Variants in ADCK5 observed in about 807,000 individuals in gnomAD.
The protein encoded by ADCK5 is aarF domain containing kinase 5.
A neutral mutation model predicts 64.9 loss-of-function variants in ADCK5; 43 were observed. The ratio of observed to expected loss-of-function variants is 0.66; its 90% CI spans 0.52 to 0.85. The LOEUF (loss-of-function observed/expected upper bound fraction) is 0.85. ADCK5 is among the 40% of genes least tolerant of loss of function. The probability of loss-of-function intolerance (pLI) is 0.00; values close to 1 mark genes in which losing one functional copy is unlikely to be tolerated. For missense variants in ADCK5, 760 were observed against 810.5 expected, an observed-to-expected ratio of 0.94 and a Z score of 0.76; for synonymous variants, 434 against 342.8, an observed-to-expected ratio of 1.27 and a Z score of -2.94.
chr8:144,375,046 G>A (rs1007802048), intron 1 of ADCK5, among the ~76,000 whole-genome samples: 2 of 152,246 alleles, frequency 1.3e-5, no homozygotes. Flanking sequence ...AAATAGCACA[G>A]ATGGACGGCC....
intron 1 of ADCK5, among the ~76,000 whole-genome samples, 176 bp from the exon 2 acceptor site, chr8:144,379,211 G>A (rs1295015859): frequency 1.3e-5 from 2 of 152,164 alleles, no homozygotes; most frequent in Non-Finnish European, 2.9e-5. Flanking sequence ...GGGATTAAAG[G>A]TGTGAGCCCC....
intron 3 of ADCK5, chr8:144,389,453 T>G (rs1398254594): frequency 1.2e-5 from 5 of 429,274 alleles, no homozygotes; most frequent in Non-Finnish European, 2.4e-5. Context: ...CCGTCCATAC[T>G]GTCCCCTACC....
At chr8:144,391,094 A>T in intron 5 of ADCK5, 38 bp downstream of exon 5, 1 of 1,610,680 alleles carries the variant, frequency 6.2e-7, no homozygotes, top group East Asian at 2.2e-5. Flanking sequence ...TGGGGCCTCC[A>T]GCAGTGGCCC....
chr8:144,384,314 C>T lies in ADCK5; in HGVS notation c.266+1084C>T, dbSNP rs1157997447. Among the ~76,000 whole-genome samples, 17 of 152,112 alleles carry T rather than the reference C, an allele frequency of 1.1e-4. No homozygotes were observed. The highest frequency in any genetic ancestry group is 2.1e-4 in the Non-Finnish European group (14 of 68,018). On this transcript the variant is annotated intron_variant, in intron 3 of 14. Transcript: ENST00000308860. The surrounding 1 kb of genome is among the most constrained non-coding windows in gnomAD (Gnocchi z 5.7). The stretch of plus-strand genomic sequence containing the variant: ...GCATCTGCCAGGCCTAGGTCAGTTT[C>T]TCAGCAAGTGCCTCGGCTTCTGGTG...
intron 3 of ADCK5, among the ~76,000 whole-genome samples, chr8:144,385,699 C>T (rs1819886321): frequency 6.6e-6 from 1 of 151,554 alleles, no homozygotes; most frequent in Non-Finnish European, 1.5e-5. Context: ...CATGGTGGCT[C>T]ACGCCTGTAA....
chr8:144,381,302 C>G (rs1299673876), intron 2 of ADCK5, among the ~76,000 whole-genome samples: 1 of 141,486 alleles, frequency 7.1e-6, no homozygotes, highest in Non-Finnish European at 1.5e-5. Context: ...CTGCTGCACT[C>G]AGGATTATGG....
At chr8:144,381,639 C>T (rs375188385) in intron 2 of ADCK5, among the ~76,000 whole-genome samples, 6 of 143,984 alleles carry the variant, frequency 4.2e-5, no homozygotes, top group Middle Eastern at 0.013. Flanking sequence ...GATTATGGGC[C>T]GGGTGTAGAA....
intron 1 of ADCK5, among the ~76,000 whole-genome samples, chr8:144,374,676 C>A (rs1457476508): frequency 1.3e-5 from 2 of 152,186 alleles, no homozygotes; most frequent in African/African-American, 4.8e-5. Flanking sequence ...GCCTGCTGCC[C>A]CGGACCTCCT....
upstream of ADCK5, chr8:144,373,991 G>A: frequency 8.4e-7 from 1 of 1,195,824 alleles, no homozygotes; most frequent in East Asian, 3.2e-5. Flanking sequence ...ACGGGGCGGG[G>A]CTCTGGCTCC....
In ADCK5 at chr8:144,374,062, G is replaced by C. The variant is rs1246855391; in HGVS notation, c.-34G>C. ...GCTGGGCTGCGAGACGCTAAGCGGCGCCGGGCGGGAGAAGAGCGGAGCAGT... is the reference window on the plus strand; with the variant it reads ...GCTGGGCTGCGAGACGCTAAGCGGCCCCGGGCGGGAGAAGAGCGGAGCAGT... On this transcript the variant is annotated 5_prime_UTR_variant, in exon 1 of 15. Transcript: ENST00000308860. The C allele has an allele frequency of 8.0e-7, 1 of 1,245,888 alleles. No homozygotes were observed. The highest frequency in any genetic ancestry group is 1.5e-5 in the African/African-American group (1 of 64,616). The allele number at this position is 1,245,888 out of a possible 1,614,324, so 77.2% of individuals were successfully genotyped here.
intron 3 of ADCK5, among the ~76,000 whole-genome samples, chr8:144,386,202 G>A (rs1281420573): frequency 6.6e-6 from 1 of 151,580 alleles, no homozygotes; most frequent in African/African-American, 2.4e-5. Flanking sequence ...AGTAGAGATG[G>A]GGTTTTGCCA....
chr8:144,391,147 TC>T lies in ADCK5; in HGVS notation c.559del (p.Glu188ArgfsTer40), dbSNP rs782440474. Reference sequence around the variant, plus strand: ...CTGTCCTTCCAGGTGGATGAGTTGTTCCTTGAGGACTTCCAGGCCCTCCCCC... The same window carrying T: ...CTGTCCTTCCAGGTGGATGAGTTGTTCTTGAGGACTTCCAGGCCCTCCCCC... ...KRGFQEVDEL[F>X]LEDFQALPHE... On this transcript the variant is annotated frameshift_variant, in exon 6 of 15. Coordinates refer to ENST00000308860, the MANE Select transcript of ADCK5 (RefSeq NM_174922.5). LOFTEE classifies it high-confidence loss of function. 1 of 1,610,938 alleles carries T rather than the reference TC, an allele frequency of 6.2e-7. No individual in the cohort carries two copies. Among genetic ancestry groups the T allele is most frequent in the Non-Finnish European group, 8.5e-7 (1 of 1,179,894 alleles).
At position 144,383,743 on chromosome 8, in the gene ADCK5, G is replaced by T. The variant is rs1457751780; in HGVS notation, c.266+513G>T. On this transcript the variant is annotated intron_variant, in intron 3 of 14. Coordinates refer to ENST00000308860, the MANE Select transcript of ADCK5 (RefSeq NM_174922.5). ...TTACAGTGAAGAACTCAGGGGGAGGGTGAGGACACCTTCTGTTGGAACCCT... is the reference window on the plus strand; with the variant it reads ...TTACAGTGAAGAACTCAGGGGGAGGTTGAGGACACCTTCTGTTGGAACCCT... 2.0e-5 allele frequency among the ~76,000 whole-genome samples: 3 copies of T among 152,138 alleles called. No individual in the cohort carries two copies. In the East Asian group the frequency reaches 5.8e-4, roughly 29 times the overall value.
intron 3 of ADCK5, among the ~76,000 whole-genome samples, chr8:144,387,060 C>T (rs1554859405): frequency 6.6e-6 from 1 of 152,324 alleles, no homozygotes; most frequent in Admixed American, 6.5e-5. Context: ...GCAAATAAAG[C>T]TTTATTGGAA....
Position 144,392,186 on chromosome 8 carries a change from T to TGGGGGGG in ADCK5, c.1175+19_1175+20insGGGGGGG. On this transcript the variant is annotated intron_variant, in intron 11 of 14. Coordinates refer to ENST00000308860, the MANE Select transcript of ADCK5 (RefSeq NM_174922.5). The stretch of plus-strand genomic sequence containing the variant: ...TGGAGGAGAAGTGAGCGCGGGTGGG[T>TGGGGGGG]GGGCGTGGGGCAGGGCAAGCCTCTC... The TGGGGGGG allele has an allele frequency of 1.3e-5, 3 of 236,982 alleles. No individual in the cohort carries two copies. The Admixed American group carries it at 1.7e-4, about 14-fold the overall frequency. 14.7% of individuals were successfully genotyped at this position (236,982 alleles called of 1,614,324 possible).
intron 1 of ADCK5, among the ~76,000 whole-genome samples, chr8:144,378,090 G>C (rs1179472825): frequency 6.6e-6 from 1 of 152,216 alleles, no homozygotes; most frequent in East Asian, 1.9e-4. Context: ...GTCAGCATCT[G>C]AGGCATCAGC....
intron 2 of ADCK5, among the ~76,000 whole-genome samples, chr8:144,381,369 C>G (rs1348425030): frequency 7.0e-6 from 1 of 142,512 alleles, no homozygotes; most frequent in Non-Finnish European, 1.5e-5. Context: ...AATTATGGGC[C>G]GGGTGTAGAA....
chr8:144,384,370 A>G lies in ADCK5; in HGVS notation c.266+1140A>G, dbSNP rs1285866194. 6.6e-6 allele frequency among the ~76,000 whole-genome samples: 1 copy of G among 152,186 alleles called. No homozygotes were observed. The highest frequency in any genetic ancestry group is 6.5e-5 in the Admixed American group (1 of 15,274). ...AGAGATTTCACCAGAAGTTTCACAG[A>G]AATTTCCTCCAGCAGTGAGTGGAAG... On this transcript the variant is annotated intron_variant, in intron 3 of 14. Transcript: ENST00000308860. This position sits in a 1 kb window ranked among gnomAD's most constrained non-coding sequence, Gnocchi z 5.7.
At chr8:144,389,007 A>G (rs1245113076) in intron 3 of ADCK5, among the ~76,000 whole-genome samples, 1 of 151,946 alleles carries the variant, frequency 6.6e-6, no homozygotes, top group Non-Finnish European at 1.5e-5. Flanking sequence ...TGGAGAAGCC[A>G]CTCTGACCTC....
Sources: allele counts gnomAD v4.1 joint callset (sites outside exome capture counted in the v4.1 genomes callset), GRCh38; gene constraint gnomAD v4.1.1; non-coding constraint Gnocchi (gnomAD v3.1); transcripts MANE v1.5; gene names NCBI Gene and HGNC (gene_info 2026-07-23, HGNC 2026-07-21).